The following EBF3 variants were observed in gnomAD, a reference collection of about 807,000 sequenced individuals.
The protein encoded by EBF3 is EBF transcription factor 3.
A neutral mutation model predicts 77.1 loss-of-function variants in EBF3; 18 were observed. The ratio of observed to expected loss-of-function variants is 0.23; its 90% CI spans 0.16 to 0.35. The LOEUF is 0.35. Among genes scored for constraint, EBF3 ranks in the 10% least tolerant of loss-of-function variants. EBF3 has a pLI of 1.00. For missense variants in EBF3, 558 were observed against 860.0 expected (o/e 0.65, Z 4.39); for synonymous variants, 350 against 343.5 (o/e 1.02, Z -0.21).
intron 8 of EBF3, among the ~76,000 whole-genome samples, chr10:129,868,645 G>A (rs1293603682): frequency 6.6e-6 from 1 of 152,202 alleles, no homozygotes; most frequent in Admixed American, 6.5e-5. Flanking sequence ...CAGAAGGAGG[G>A]TGCAGGGGGG....
At chr10:129,948,855 C>T (rs1441317231) in intron 6 of EBF3, among the ~76,000 whole-genome samples, 1 of 152,198 alleles carries the variant, frequency 6.6e-6, no homozygotes, top group Non-Finnish European at 1.5e-5. Context: ...TTTGCATCTC[C>T]CAGTCCTTCC....
intron 6 of EBF3, among the ~76,000 whole-genome samples, chr10:129,936,276 A>ACCAGGACATAACCCCTGC (rs1857351057): frequency 6.6e-6 from 1 of 152,164 alleles, no homozygotes. Context: ...ACCAGGTGGA[A>ACCAGGACATAACCCCTGC]CCAGGACATA....
At chr10:129,905,137 A>G (rs979616130) in intron 6 of EBF3, among the ~76,000 whole-genome samples, 2 of 152,132 alleles carry the variant, frequency 1.3e-5, no homozygotes, top group African/African-American at 2.4e-5. Context: ...CTTTCCATCA[A>G]CTTGGGGCTG....
Position 129,837,804 on chromosome 10 carries a change from A to G in EBF3, c.*139T>C, listed in dbSNP as rs575103609. 6.0e-4 allele frequency: 665 copies of G among 1,102,534 alleles called. 2 individuals are homozygous for G. In the Middle Eastern group the frequency reaches 9.8e-3, roughly 16 times the overall value. The allele number at this position is 1,102,534 out of a possible 1,614,324, so 68.3% of individuals were successfully genotyped here. ...AAAATCTTTAAACAAAGTCTTTTGT[A>G]GCATTTCAATTGCTGCTGATTTTTT... On this transcript the variant is annotated 3_prime_UTR_variant, in exon 17 of 17. Coordinates refer to ENST00000440978, the MANE Select transcript of EBF3 (RefSeq NM_001375380.1).
chr10:129,917,239 C>T (rs1477115106), intron 6 of EBF3, among the ~76,000 whole-genome samples: 3 of 152,132 alleles, frequency 2.0e-5, no homozygotes, highest in Non-Finnish European at 4.4e-5. Flanking sequence ...CGTGGTGGCA[C>T]ACGCCTGTAG....
chr10:129,843,085 C>T (rs767539879), intron 12 of EBF3, 52 bp downstream of exon 12: 179 of 1,547,506 alleles, frequency 1.2e-4, no homozygotes, highest in Non-Finnish European at 1.4e-4. Context: ...CGGCTGCCCA[C>T]GGGTTCTGGC....
At chr10:129,880,792 A>T (rs1351270810) in intron 6 of EBF3, among the ~76,000 whole-genome samples, 9 of 152,214 alleles carry the variant, frequency 5.9e-5, no homozygotes, top group South Asian at 4.1e-4. Flanking sequence ...CTCTGCGCTT[A>T]CCTCTTACCC....
At chr10:129,923,748 G>A (rs975621692) in intron 6 of EBF3, among the ~76,000 whole-genome samples, 4 of 152,056 alleles carry the variant, frequency 2.6e-5, no homozygotes, top group Non-Finnish European at 4.4e-5. Context: ...TCTTGGCTAC[G>A]GCACCAAAGA....
At chr10:129,939,126 C>A (rs113388535) in intron 6 of EBF3, among the ~76,000 whole-genome samples, 3,197 of 152,304 alleles carry the variant, frequency 0.021, 116 homozygotes, top group African/African-American at 0.071. Context: ...GTGTCCTGTG[C>A]GTCAGTGGCA....
chr10:129,958,924 C>A lies in EBF3; in HGVS notation c.485+10G>T. On this transcript the variant is annotated intron_variant, in intron 5 of 16. Coordinates refer to ENST00000440978, the MANE Select transcript of EBF3 (RefSeq NM_001375380.1). ...GCCCGCGCCCCCGCCGCCCGCCGCC[C>A]GCCGCTCACCTGCACATGATCTCGT... The A allele has an allele frequency of 6.3e-7, 1 of 1,585,840 alleles. No individual in the cohort carries two copies. The highest frequency in any genetic ancestry group is 2.4e-5 in the East Asian group (1 of 41,184).
At chr10:129,957,517 G>A (rs1474098756) in intron 5 of EBF3, among the ~76,000 whole-genome samples, 191 bp from the exon 6 acceptor site, 2 of 152,060 alleles carry the variant, frequency 1.3e-5, no homozygotes, top group African/African-American at 2.4e-5. Context: ...CTACCGGAAG[G>A]AGCAAAGTTG....
chr10:129,883,990 G>A lies in EBF3; in HGVS notation c.555-6141C>T, dbSNP rs149362140. On this transcript the variant is annotated intron_variant, in intron 6 of 16. Transcript: ENST00000440978. ...CACAAGAGTGGGGCACGTGATCCGAGGCCCTCATGGGGGCCGGTGGCTGCA... is the reference window on the plus strand; with the variant it reads ...CACAAGAGTGGGGCACGTGATCCGAAGCCCTCATGGGGGCCGGTGGCTGCA... Among the ~76,000 whole-genome samples, 278 of 152,328 alleles carry A rather than the reference G, an allele frequency of 1.8e-3. 1 individual carries two copies. Among genetic ancestry groups the A allele is most frequent in the African/African-American group, 6.4e-3 (267 of 41,582 alleles).
In EBF3 at chr10:129,963,727, G is replaced by T. The variant is rs139472402; in HGVS notation, c.42C>A (p.Thr14=). 6.5e-5 allele frequency: 100 copies of T among 1,537,180 alleles called. No homozygotes were observed. The highest frequency in any genetic ancestry group is 1.3e-5 in the Non-Finnish European group (15 of 1,135,312). Residue 14 remains threonine (T), a synonymous_variant, in exon 1 of 17, where the codon ACC becomes ACA. Transcript: ENST00000440978. The surrounding 1 kb of genome is among the most constrained non-coding windows in gnomAD (Gnocchi z 7.1). ...IQENIPRGGT[T]MKEEPLGSGM... is the part of the protein sequence containing the mutation. ...CGCTGCCCAGCGGCTCCTCCTTCAT[G>T]GTCGTCCCCCCGCGCGGAATATTCT...
At chr10:129,862,150 A>C (rs1402904815) in intron 10 of EBF3, among the ~76,000 whole-genome samples, 1 of 152,192 alleles carries the variant, frequency 6.6e-6, no homozygotes, top group Non-Finnish European at 1.5e-5. Flanking sequence ...GCACATTATG[A>C]CTTTAAAAGA....
intron 10 of EBF3, among the ~76,000 whole-genome samples, chr10:129,854,799 T>C (rs745614610): frequency 7.9e-5 from 12 of 152,256 alleles, no homozygotes; most frequent in Non-Finnish European, 1.6e-4. Flanking sequence ...TGAATTTCAA[T>C]CACAGCACTC....
chr10:129,896,512 G>A (rs2134221067), intron 6 of EBF3, among the ~76,000 whole-genome samples: 1 of 152,344 alleles, frequency 6.6e-6, no homozygotes, highest in East Asian at 1.9e-4. Context: ...GGCCGGCGTG[G>A]GCCGGGTGTG....
intron 6 of EBF3, among the ~76,000 whole-genome samples, chr10:129,906,058 T>C (rs1203513264): frequency 1.3e-5 from 2 of 152,164 alleles, no homozygotes; most frequent in Non-Finnish European, 2.9e-5. Flanking sequence ...TGCTGGCAAA[T>C]ACAAGCAGCA....
chr10:129,875,184 C>CT (rs1564846069), intron 7 of EBF3, among the ~76,000 whole-genome samples: 2 of 117,618 alleles, frequency 1.7e-5, no homozygotes, highest in African/African-American at 3.3e-5. Flanking sequence ...GTGATGGCTT[C>CT]TTCTTTTTTT....
intron 6 of EBF3, among the ~76,000 whole-genome samples, chr10:129,913,621 T>C (rs1432023732): frequency 6.6e-6 from 1 of 152,254 alleles, no homozygotes; most frequent in Non-Finnish European, 1.5e-5. Flanking sequence ...CTGAAATGTA[T>C]TCCTTGTAAA....
Sources: gnomAD v4.1 joint callset for allele counts (sites outside exome capture counted in the v4.1 genomes callset) on GRCh38, gnomAD v4.1.1 for gene constraint, Gnocchi (gnomAD v3.1) non-coding constraint, MANE v1.5 for transcripts, NCBI Gene and HGNC (gene_info 2026-07-23, HGNC 2026-07-21) for gene names.